The following PEX3 variants were observed in gnomAD, a reference collection of about 807,000 sequenced individuals.
The protein encoded by PEX3 is peroxisomal biogenesis factor 3, also known as peroxin-3.
PEX3 carries 30 observed loss-of-function variants against 55.8 expected under a neutral mutation model. The observed-to-expected ratio is 0.54, with a 90% CI of 0.40 to 0.73. PEX3 has a LOEUF of 0.73. PEX3 is among the 30% of genes least tolerant of loss of function. The pLI, the probability that PEX3 is intolerant of heterozygous loss-of-function variation, is 0.00. For missense variants in PEX3, 351 were observed against 432.8 expected (o/e 0.81, Z 1.68); for synonymous variants, 135 against 148.4 (o/e 0.91, Z 0.66).
At position 143,475,686 on chromosome 6, in the gene PEX3, G is replaced by T. The variant is rs1414523772; in HGVS notation, c.818+830G>T. On this transcript the variant is annotated intron_variant, in intron 9 of 11. Coordinates refer to ENST00000367591, the MANE Select transcript of PEX3 (RefSeq NM_003630.3). The surrounding 1 kb of genome is among the most constrained non-coding windows in gnomAD (Gnocchi z 4.4). ...CAAAACAAAACAAAAAAGGCCATCA[G>T]TGTTTCCCAGGTATTTGTTCTTTCT... Among the ~76,000 whole-genome samples, 2 of 152,110 alleles carry T rather than the reference G, an allele frequency of 1.3e-5. No individual in the cohort carries two copies. Among genetic ancestry groups the T allele is most frequent in the African/African-American group, 4.8e-5 (2 of 41,438 alleles).
At chr6:143,452,597 C>A (rs1657180927) in intron 1 of PEX3, among the ~76,000 whole-genome samples, 1 of 151,958 alleles carries the variant, frequency 6.6e-6, no homozygotes, top group African/African-American at 2.4e-5. Context: ...CTAACAAGAG[C>A]TTTATAGTTA....
In PEX3 at chr6:143,466,352, G is replaced by A. The variant is rs930677688; in HGVS notation, c.288-1770G>A. Reference sequence around the variant, plus strand: ...TCCATGCTGTAGATGCTATCTACCTGTTAGTCACTTAGTAGCCATCTTGGC... The same window carrying A: ...TCCATGCTGTAGATGCTATCTACCTATTAGTCACTTAGTAGCCATCTTGGC... On this transcript the variant is annotated intron_variant, in intron 3 of 11. Coordinates refer to ENST00000367591, the MANE Select transcript of PEX3 (RefSeq NM_003630.3). The surrounding 1 kb of genome is among the most constrained non-coding windows in gnomAD (Gnocchi z 5.4). Among the ~76,000 whole-genome samples, 3 of 152,054 alleles carry A rather than the reference G, an allele frequency of 2.0e-5. No individual in the cohort carries two copies. The highest frequency in any genetic ancestry group is 4.8e-5 in the African/African-American group (2 of 41,428).
Position 143,463,090 on chromosome 6 carries a change from C to A in PEX3, c.287+93C>A, listed in dbSNP as rs1779947203. ...CTTTTCAAAAATCTTTGTTATTTTT[C>A]TATCTAATGAAAGTTTATATAGGCT... On this transcript the variant is annotated intron_variant, in intron 3 of 11. Coordinates refer to ENST00000367591, the MANE Select transcript of PEX3 (RefSeq NM_003630.3). The surrounding 1 kb of genome is among the most constrained non-coding windows in gnomAD (Gnocchi z 5.7). 1 of 903,484 alleles carries A rather than the reference C, an allele frequency of 1.1e-6. No homozygotes were observed. Among genetic ancestry groups the A allele is most frequent in the South Asian group, 1.4e-5 (1 of 70,814 alleles). 56.0% of individuals were successfully genotyped at this position (903,484 alleles called of 1,614,324 possible). A position where few individuals can be genotyped will look rare whatever the true frequency, so the allele number is the denominator to read the frequency against.
At position 143,476,355 on chromosome 6, in the gene PEX3, G is replaced by A. The variant is rs1320674796; in HGVS notation, c.818+1499G>A. On this transcript the variant is annotated intron_variant, in intron 9 of 11. Coordinates refer to ENST00000367591, the MANE Select transcript of PEX3 (RefSeq NM_003630.3). This position sits in a 1 kb window ranked among gnomAD's most constrained non-coding sequence, Gnocchi z 5.4. ...GAGTATGTTGAACCTTGTAGTCCAT[G>A]ATAGGAAATTTGTTTTTTATTCTTA... Among the ~76,000 whole-genome samples the A allele has an allele frequency of 6.6e-6, 1 of 152,218 alleles. No homozygotes were observed. Among genetic ancestry groups the A allele is most frequent in the Non-Finnish European group, 1.5e-5 (1 of 68,050 alleles).
rs574376916 is a variant in PEX3 at position 143,485,956 on chromosome 6, A to T, written c.1038+708A>T. Among the ~76,000 whole-genome samples, 19 of 152,246 alleles carry T rather than the reference A, an allele frequency of 1.2e-4. No individual in the cohort carries two copies. The highest frequency in any genetic ancestry group is 7.2e-4 in the Admixed American group (11 of 15,274). On this transcript the variant is annotated intron_variant, in intron 11 of 11. Coordinates refer to ENST00000367591, the MANE Select transcript of PEX3 (RefSeq NM_003630.3). This position sits in a 1 kb window ranked among gnomAD's most constrained non-coding sequence, Gnocchi z 5.6. ...CTTCAATAATGTACAATGAGAAGAG[A>T]CCCTATGGCCTAAGCATAAAGCTGA... is the stretch of plus-strand genomic sequence containing the variant.
Position 143,482,842 on chromosome 6 carries a change from C to T in PEX3, c.942-2310C>T, listed in dbSNP as rs1339325608. ...ACTAAGTAAAAACAAATATACTGATCGAAAACAGGTGACTATGTGACCTCA... is the reference window on the plus strand; with the variant it reads ...ACTAAGTAAAAACAAATATACTGATTGAAAACAGGTGACTATGTGACCTCA... On this transcript the variant is annotated intron_variant, in intron 10 of 11. Coordinates refer to ENST00000367591, the MANE Select transcript of PEX3 (RefSeq NM_003630.3). The surrounding 1 kb of genome is among the most constrained non-coding windows in gnomAD (Gnocchi z 5.5). Among the ~76,000 whole-genome samples, 6 of 151,804 alleles carry T rather than the reference C, an allele frequency of 4.0e-5. No individual in the cohort carries two copies. Among genetic ancestry groups the T allele is most frequent in the East Asian group, 1.9e-4 (1 of 5,194 alleles).
rs1229015002 is a variant in PEX3, at chr6:143,458,453, C to T, written c.74-632C>T. Among the ~76,000 whole-genome samples the T allele has an allele frequency of 6.6e-6, 1 of 152,120 alleles. No homozygotes were observed. The highest frequency in any genetic ancestry group is 2.4e-5 in the African/African-American group (1 of 41,442). ...GATGGATAAATAGACTTCTGCCTGA[C>T]TAACTACCTTTCTTTCATTGTTCCT... On this transcript the variant is annotated intron_variant, in intron 1 of 11. Transcript: ENST00000367591. This position sits in a 1 kb window ranked among gnomAD's most constrained non-coding sequence, Gnocchi z 6.1.
Position 143,464,575 on chromosome 6 carries a change from C to CA in PEX3, c.287+1579dup, listed in dbSNP as rs1667587938. Reference sequence around the variant, plus strand: ...GATTCTTTTTTTCTTAATCGGTACACAGGGAGGAGAATTTCTTAAATTCTG... The same window carrying CA: ...GATTCTTTTTTTCTTAATCGGTACACAAGGGAGGAGAATTTCTTAAATTCTG... On this transcript the variant is annotated intron_variant, in intron 3 of 11. Transcript: ENST00000367591. This position sits in a 1 kb window ranked among gnomAD's most constrained non-coding sequence, Gnocchi z 5.8. Among the ~76,000 whole-genome samples the CA allele has an allele frequency of 2.0e-5, 3 of 151,936 alleles. No individual in the cohort carries two copies. The South Asian group carries it at 6.2e-4, about 32-fold the overall frequency.
rs1182879523 is a variant in PEX3, at chr6:143,462,909, A to G, written c.206-7A>G. ...GACCTTTTTTATTTTTTTTGTTTGT[A>G]TTACAGTGCTGTCCATGCTTCCAAC... On this transcript the variant is annotated splice_polypyrimidine_tract_variant and splice_region_variant and intron_variant, in intron 2 of 11. Coordinates refer to ENST00000367591, the MANE Select transcript of PEX3 (RefSeq NM_003630.3). This position sits in a 1 kb window ranked among gnomAD's most constrained non-coding sequence, Gnocchi z 4.1. 3 of 1,608,286 alleles carry G rather than the reference A, an allele frequency of 1.9e-6. No homozygotes were observed. The highest frequency in any genetic ancestry group is 1.1e-5 in the South Asian group (1 of 90,982).
rs1484039432 is a variant in PEX3, at chr6:143,479,076, C to T, written c.819C>T (p.Ser273=). Residue 273 remains serine (S), a splice_region_variant and synonymous_variant, in exon 10 of 12, where the codon AGC becomes AGT. Coordinates refer to ENST00000367591, the MANE Select transcript of PEX3 (RefSeq NM_003630.3). This position sits in a 1 kb window ranked among gnomAD's most constrained non-coding sequence, Gnocchi z 4.6. ...AACTTATACTTCTTACTTTATATAG[C>T]CCAGATTTTAGTACAGTTTTGAATA... The part of the protein sequence containing the change: ...LLNETRDMLE[S]PDFSTVLNTC... The T allele has an allele frequency of 6.4e-7, 1 of 1,554,544 alleles. No homozygotes were observed. Among genetic ancestry groups the T allele is most frequent in the Admixed American group, 1.7e-5 (1 of 59,860 alleles).
At chr6:143,457,817 C>T (rs3804538) in intron 1 of PEX3, among the ~76,000 whole-genome samples, 32,399 of 152,064 alleles carry the variant, frequency 0.21, 3,566 homozygotes, top group Non-Finnish European at 0.22. Context: ...TTCATGCTAC[C>T]GCAGAACTGC....
rs927460211 is a variant in PEX3, at chr6:143,482,868, A to G, written c.942-2284A>G. On this transcript the variant is annotated intron_variant, in intron 10 of 11. Transcript: ENST00000367591. The surrounding 1 kb of genome is among the most constrained non-coding windows in gnomAD (Gnocchi z 5.5). ...GAAAACAGGTGACTATGTGACCTCAAGATGGAGAAGGTATTTCTAAGAATG... is the reference window on the plus strand; with the variant it reads ...GAAAACAGGTGACTATGTGACCTCAGGATGGAGAAGGTATTTCTAAGAATG... Among the ~76,000 whole-genome samples, 9 of 152,098 alleles carry G rather than the reference A, an allele frequency of 5.9e-5. No individual in the cohort carries two copies. The highest frequency in any genetic ancestry group is 2.9e-5 in the Non-Finnish European group (2 of 67,968).
rs538209231 is a variant in PEX3, at chr6:143,463,140, C to G, written c.287+143C>G. 1.8e-5 allele frequency: 12 copies of G among 665,092 alleles called. No homozygotes were observed. Among genetic ancestry groups the G allele is most frequent in the East Asian group, 1.6e-4 (6 of 36,612 alleles). 41.2% of individuals were successfully genotyped at this position (665,092 alleles called of 1,614,324 possible). On this transcript the variant is annotated intron_variant, in intron 3 of 11. Transcript: ENST00000367591. The surrounding 1 kb of genome is among the most constrained non-coding windows in gnomAD (Gnocchi z 5.7). ...TCAGTAAGAAAAATACTAACTATAT[C>G]ATTTAACCTACATTTAATTTTGTCT... is the stretch of plus-strand genomic sequence containing the variant.
rs1044061977 is a variant in PEX3, at chr6:143,471,986, G to T, written c.579-174G>T. ...CCAGAGAAATACTTTTCTTGGCTCT[G>T]TAGTAATGGCCCTTAACTAGTGGCT... On this transcript the variant is annotated intron_variant, in intron 7 of 11. Transcript: ENST00000367591. This position sits in a 1 kb window ranked among gnomAD's most constrained non-coding sequence, Gnocchi z 5.4. Among the ~76,000 whole-genome samples, 2 of 152,122 alleles carry T rather than the reference G, an allele frequency of 1.3e-5. No individual in the cohort carries two copies. The highest frequency in any genetic ancestry group is 2.9e-5 in the Non-Finnish European group (2 of 68,022).
chr6:143,489,519 A>T lies in PEX3; in HGVS notation c.*293A>T, dbSNP rs1780361130. The stretch of plus-strand genomic sequence containing the variant: ...CCAAACTGACTAAAAATCAATATAG[A>T]TATTTTATATACATATATATATATA... On this transcript the variant is annotated 3_prime_UTR_variant, in exon 12 of 12. Coordinates refer to ENST00000367591, the MANE Select transcript of PEX3 (RefSeq NM_003630.3). This position sits in a 1 kb window ranked among gnomAD's most constrained non-coding sequence, Gnocchi z 5.5. The T allele has an allele frequency of 5.1e-6, 1 of 196,170 alleles. No homozygotes were observed. Among genetic ancestry groups the T allele is most frequent in the Non-Finnish European group, 1.0e-5 (1 of 96,564 alleles). The allele number at this position is 196,170 out of a possible 1,614,324, so 12.2% of individuals were successfully genotyped here. A position where few individuals can be genotyped will look rare whatever the true frequency, so the allele number is the denominator to read the frequency against.
Position 143,475,852 on chromosome 6 carries a change from T to C in PEX3, c.818+996T>C, listed in dbSNP as rs376521088. On this transcript the variant is annotated intron_variant, in intron 9 of 11. Coordinates refer to ENST00000367591, the MANE Select transcript of PEX3 (RefSeq NM_003630.3). This position sits in a 1 kb window ranked among gnomAD's most constrained non-coding sequence, Gnocchi z 4.4. ...AATTTCTACACTTCATAGATAGAAA[T>C]AATTTGTTCATTCACTTAATTCATT... Among the ~76,000 whole-genome samples the C allele has an allele frequency of 5.9e-5, 9 of 152,248 alleles. No individual in the cohort carries two copies. In the East Asian group the frequency reaches 7.7e-4, roughly 13 times the overall value.
In PEX3 at chr6:143,471,503, A is replaced by G; in HGVS notation, c.523+54A>G. Reference sequence around the variant, plus strand: ...TAATTTTAATTCATTTATTTTTATTATTGAGGAATTTTTAAACTAAGCAAG... The same window carrying G: ...TAATTTTAATTCATTTATTTTTATTGTTGAGGAATTTTTAAACTAAGCAAG... On this transcript the variant is annotated intron_variant, in intron 6 of 11. Coordinates refer to ENST00000367591, the MANE Select transcript of PEX3 (RefSeq NM_003630.3). This position sits in a 1 kb window ranked among gnomAD's most constrained non-coding sequence, Gnocchi z 5.4. 1 of 1,562,828 alleles carries G rather than the reference A, an allele frequency of 6.4e-7. No individual in the cohort carries two copies. Among genetic ancestry groups the G allele is most frequent in the Non-Finnish European group, 8.8e-7 (1 of 1,134,590 alleles).
intron 3 of PEX3, 97 bp from the exon 4 acceptor site, chr6:143,468,025 A>AT (rs1237032899): frequency 3.3e-5 from 24 of 725,380 alleles, no homozygotes; most frequent in Non-Finnish European, 3.9e-5. Flanking sequence ...GTTGCTTTTA[A>AT]TTTTTTTTAA....
rs11968007 is a variant in PEX3 at position 143,462,815 on chromosome 6, T to C, written c.206-101T>C. 4.6e-3 allele frequency: 3,774 copies of C among 826,682 alleles called. 93 individuals are homozygous for C. In the African/African-American group the frequency reaches 0.057, roughly 12 times the overall value. The allele number at this position is 826,682 out of a possible 1,614,324, so 51.2% of individuals were successfully genotyped here. On this transcript the variant is annotated intron_variant, in intron 2 of 11. Transcript: ENST00000367591. The surrounding 1 kb of genome is among the most constrained non-coding windows in gnomAD (Gnocchi z 4.1). Reference sequence around the variant, plus strand: ...CCTGACTTTCCCTTCTGACTCTTGCTAGTTGCTAGCCCTATCATATAGCCT... The same window carrying C: ...CCTGACTTTCCCTTCTGACTCTTGCCAGTTGCTAGCCCTATCATATAGCCT...
Sources: gnomAD v4.1 joint callset for allele counts (sites outside exome capture counted in the v4.1 genomes callset) on GRCh38, gnomAD v4.1.1 for gene constraint, Gnocchi (gnomAD v3.1) non-coding constraint, MANE v1.5 for transcripts, NCBI Gene and HGNC (gene_info 2026-07-23, HGNC 2026-07-21) for gene names.